Variants in RARB observed in about 807,000 individuals in gnomAD.
RARB encodes HBV-activated protein.
Under a neutral mutation model 51.9 loss-of-function variants are expected in RARB, and 17 were observed. The observed-to-expected ratio is 0.33, with a 90% CI of 0.22 to 0.49. The LOEUF is 0.49. RARB is among the 20% of genes least tolerant of loss of function. The pLI, the probability that RARB is intolerant of heterozygous loss-of-function variation, is 0.99. For synonymous variants in RARB, 215 were observed against 195.4 expected, an observed-to-expected ratio of 1.10 and a Z score of -0.84; for missense variants, 369 against 550.8, an observed-to-expected ratio of 0.67 and a Z score of 3.30.
intron 5 of RARB, among the ~76,000 whole-genome samples, chr3:25,242,974 C>G (rs1384609812): frequency 6.6e-6 from 1 of 152,022 alleles, no homozygotes; most frequent in African/African-American, 2.4e-5. Context: ...TGTGTCCTCT[C>G]TTATTTTCTT....
At chr3:25,240,764 T>A (rs1300073988) in intron 5 of RARB, among the ~76,000 whole-genome samples, 2 of 152,196 alleles carry the variant, frequency 1.3e-5, no homozygotes, top group Non-Finnish European at 1.5e-5. Flanking sequence ...TGCGTCTGTG[T>A]CTATCAGGGA....
At position 25,009,336 on chromosome 3, in the gene RARB, T is replaced by C. The variant is rs187872526; in HGVS notation, c.-379-50789T>C. On this transcript the variant is annotated intron_variant, in intron 2 of 11. Transcript: ENST00000383772. ...GCAGTTTTCTCTTTAAAGGTAATCA[T>C]ACATGTCATTTTTTTTACATTGAAA... 5.2e-3 allele frequency among the ~76,000 whole-genome samples: 797 copies of C among 152,258 alleles called. 2 individuals are homozygous for C. The highest frequency in any genetic ancestry group is 0.02 in the Middle Eastern group (6 of 294).
At chr3:25,334,816 C>T (rs771597931) in intron 5 of RARB, among the ~76,000 whole-genome samples, 2 of 152,002 alleles carry the variant, frequency 1.3e-5, no homozygotes, top group Non-Finnish European at 1.5e-5. Flanking sequence ...CTTTTGGCAC[C>T]GTTTTAATTA....
chr3:24,910,585 G>A (rs1994907), intron 2 of RARB, among the ~76,000 whole-genome samples: 90,713 of 152,008 alleles, frequency 0.6, 27,535 homozygotes, highest in Non-Finnish European at 0.63. Flanking sequence ...GGCTCAATAT[G>A]ATAAAAGTTT....
intron 1 of RARB, among the ~76,000 whole-genome samples, chr3:25,440,013 G>GT (rs1708594546): frequency 6.6e-6 from 1 of 152,036 alleles, no homozygotes; most frequent in Non-Finnish European, 1.5e-5. Context: ...TTTTGTTTTG[G>GT]TTTTTTTCTA....
At chr3:25,168,951 T>C (rs1412350087) in intron 4 of RARB, among the ~76,000 whole-genome samples, 2 of 152,078 alleles carry the variant, frequency 1.3e-5, no homozygotes, top group Admixed American at 6.5e-5. Flanking sequence ...GTACAAGAAA[T>C]GGAAGAATTT....
At chr3:25,503,050 C>T (rs1211194206) in intron 3 of RARB, among the ~76,000 whole-genome samples, 1 of 152,212 alleles carries the variant, frequency 6.6e-6, no homozygotes, top group Non-Finnish European at 1.5e-5. Context: ...TGTGCCATTC[C>T]TTCTGGGAAG....
intron 5 of RARB, among the ~76,000 whole-genome samples, chr3:25,224,107 A>G (rs999068960): frequency 2.0e-5 from 3 of 152,242 alleles, no homozygotes; most frequent in Non-Finnish European, 4.4e-5. Context: ...ACAGAAGAGG[A>G]AACTGAACTC....
intron 4 of RARB, among the ~76,000 whole-genome samples, chr3:25,151,216 C>A (rs1015785015): frequency 2.0e-5 from 3 of 152,220 alleles, no homozygotes; most frequent in African/African-American, 7.2e-5. Flanking sequence ...AAAGATGGAG[C>A]CTCCTGGAAA....
intron 3 of RARB, among the ~76,000 whole-genome samples, chr3:25,106,659 T>TC (rs1455660620): frequency 6.6e-6 from 1 of 151,114 alleles, no homozygotes; most frequent in Non-Finnish European, 1.5e-5. Context: ...CAGTATTTTT[T>TC]TTTTAATGTT....
chr3:24,976,097 A>G (rs1459219467), intron 2 of RARB, among the ~76,000 whole-genome samples: 1 of 152,074 alleles, frequency 6.6e-6, no homozygotes, highest in African/African-American at 2.4e-5. Flanking sequence ...AAGGACATGA[A>G]CTCATCCTTT....
chr3:25,461,182 C>G lies in RARB; in HGVS notation c.158-11C>G, dbSNP rs1695159349. 6.4e-7 allele frequency: 1 copy of G among 1,566,296 alleles called. No homozygotes were observed. Among genetic ancestry groups the G allele is most frequent in the South Asian group, 1.2e-5 (1 of 84,252 alleles). On this transcript the variant is annotated splice_polypyrimidine_tract_variant and intron_variant, in intron 1 of 7. Transcript: ENST00000330688. ...TCTCTTTTTTCTCCCTCTACCCCAT[C>G]TCTATTATAGCAATTGAAACACAGA...
intron 1 of RARB, among the ~76,000 whole-genome samples, chr3:25,443,121 T>C (rs1238743335): frequency 6.6e-6 from 1 of 152,124 alleles, no homozygotes; most frequent in African/African-American, 2.4e-5. Context: ...ATATGCTGAG[T>C]GTAGTTCAGT....
At chr3:25,595,582 A>G (rs569970545) in intron 7 of RARB, among the ~76,000 whole-genome samples, 4 of 152,348 alleles carry the variant, frequency 2.6e-5, no homozygotes, top group South Asian at 2.1e-4. Flanking sequence ...ATCATTCTGT[A>G]TAGATGACTA....
At chr3:24,991,638 C>T (rs549480451) in intron 2 of RARB, among the ~76,000 whole-genome samples, 1 of 152,044 alleles carries the variant, frequency 6.6e-6, no homozygotes, top group Non-Finnish European at 1.5e-5. Context: ...ACAACAAGCA[C>T]AGTTGTATTA....
In RARB at chr3:25,428,416, T is replaced by C; in HGVS notation, c.-316T>C. On this transcript the variant is annotated 5_prime_UTR_variant, in exon 1 of 8. An upstream open reading frame in the 5' UTR loses its in-frame stop. Transcript: ENST00000330688. Reference sequence around the variant, plus strand: ...AGGGTTTGTCTGGGCACCGTCGGGGTAGGATCCGGAACGCATTCGGAAGGC... The same window carrying C: ...AGGGTTTGTCTGGGCACCGTCGGGGCAGGATCCGGAACGCATTCGGAAGGC... 1 of 1,270,228 alleles carries C rather than the reference T, an allele frequency of 7.9e-7. No individual in the cohort carries two copies. The highest frequency in any genetic ancestry group is 9.9e-7 in the Non-Finnish European group (1 of 1,010,078). The allele number at this position is 1,270,228 out of a possible 1,614,324, so 78.7% of individuals were successfully genotyped here.
chr3:25,006,864 T>C (rs1008886196), intron 2 of RARB, among the ~76,000 whole-genome samples: 2 of 152,146 alleles, frequency 1.3e-5, no homozygotes, highest in African/African-American at 4.8e-5. Flanking sequence ...ATAGAACTTT[T>C]TTTAACAACA....
At chr3:25,008,202 T>C (rs539338614) in intron 2 of RARB, among the ~76,000 whole-genome samples, 7 of 152,252 alleles carry the variant, frequency 4.6e-5, no homozygotes, top group Admixed American at 4.6e-4. Flanking sequence ...TCAGGAAGTG[T>C]GAATTTGAGT....
At chr3:25,482,752 G>T (rs558830539) in intron 2 of RARB, among the ~76,000 whole-genome samples, 5 of 151,654 alleles carry the variant, frequency 3.3e-5, no homozygotes, top group African/African-American at 4.9e-5. Context: ...TGTTAGCCAG[G>T]ATGGTCTCGA....
Sources: allele counts gnomAD v4.1 joint callset (sites outside exome capture counted in the v4.1 genomes callset), GRCh38; gene constraint gnomAD v4.1.1; transcripts MANE v1.5; gene names NCBI Gene and HGNC (gene_info 2026-07-23, HGNC 2026-07-21).